PNKD: variants seen among roughly 807,000 people sequenced by gnomAD.
The protein encoded by PNKD is probable thioesterase PNKD.
In PNKD, 36 loss-of-function variants were observed where a neutral mutation model predicts 45.3. The observed-to-expected ratio is 0.80, with a 90% CI of 0.61 to 1.05. The LOEUF is 1.05. Ranked by LOEUF, PNKD falls within the 50% of genes least tolerant of loss-of-function variation. The probability of loss-of-function intolerance (pLI) is 0.00; values close to 1 mark genes in which losing one functional copy is unlikely to be tolerated. For synonymous variants in PNKD, 197 were observed against 210.1 expected (o/e 0.94, Z 0.54); for missense variants, 511 against 506.6 (o/e 1.01, Z -0.08).
chr2:218,289,932 G>A (rs1335862227), intron 2 of PNKD: 2 of 152,174 alleles, frequency 1.3e-5, no homozygotes, highest in African/African-American at 4.8e-5. Context: ...AACACTCTAG[G>A]AAAGAAAGAG....
intron 2 of PNKD, among the ~76,000 whole-genome samples, chr2:218,334,040 G>A (rs1206010579): frequency 4.0e-5 from 6 of 150,228 alleles, no homozygotes; most frequent in East Asian, 2.0e-4. Flanking sequence ...GCTTAAACCC[G>A]GGAGATGGAG....
At chr2:218,311,681 A>G (rs1693620300) in intron 2 of PNKD, among the ~76,000 whole-genome samples, 1 of 152,170 alleles carries the variant, frequency 6.6e-6, no homozygotes, top group Non-Finnish European at 1.5e-5. Context: ...AGAATAGAAC[A>G]AATGGGAATG....
chr2:218,281,790 AAGAC>A (rs1181723115), intron 2 of PNKD: 1 of 750,212 alleles, frequency 1.3e-6, no homozygotes, highest in African/African-American at 1.8e-5. Flanking sequence ...GAGGGTAACA[AAGAC>A]AGAAACAGAG....
Position 218,345,168 on chromosome 2 carries a change from T to G in PNKD, c.*187T>G. ...ACTGTGAGGCCAAAAGAAGGGGGCC[T>G]GTTGGAGGCTGGGAACCCCGCAGCG... On this transcript the variant is annotated 3_prime_UTR_variant, in exon 10 of 10. Transcript: ENST00000273077. The G allele has an allele frequency of 1.7e-6, 1 of 603,254 alleles. No homozygotes were observed. The highest frequency in any genetic ancestry group is 2.1e-5 in the South Asian group (1 of 47,898). The allele number at this position is 603,254 out of a possible 1,614,324, so 37.4% of individuals were successfully genotyped here. A position where few individuals can be genotyped will look rare whatever the true frequency, so the allele number is the denominator to read the frequency against.
chr2:218,284,990 T>A (rs1692386661), intron 2 of PNKD, among the ~76,000 whole-genome samples: 2 of 152,118 alleles, frequency 1.3e-5, no homozygotes, highest in Non-Finnish European at 1.5e-5. Context: ...CTCGGGAGGC[T>A]GAGGCAGGAG....
Position 218,340,635 on chromosome 2 carries a change from TC to T in PNKD, c.466-91del. On this transcript the variant is annotated intron_variant, in intron 4 of 9. Coordinates refer to ENST00000273077, the MANE Select transcript of PNKD (RefSeq NM_015488.5). This position sits in a 1 kb window ranked among gnomAD's most constrained non-coding sequence, Gnocchi z 4.2. ...TGCTTCATCTCTCCATGCTCTCCTC[TC>T]CTCTCCACCAGCGCCCACACTCCTG... 1 of 889,608 alleles carries T rather than the reference TC, an allele frequency of 1.1e-6. No homozygotes were observed. The highest frequency in any genetic ancestry group is 1.9e-6 in the Non-Finnish European group (1 of 521,172). 55.1% of individuals were successfully genotyped at this position (889,608 alleles called of 1,614,324 possible). A position where few individuals can be genotyped will look rare whatever the true frequency, so the allele number is the denominator to read the frequency against.
intron 7 of PNKD, 106 bp downstream of exon 7, chr2:218,342,250 G>GT: frequency 1.1e-6 from 1 of 928,908 alleles, no homozygotes; most frequent in Admixed American, 2.0e-5. Flanking sequence ...TAGCACAGAT[G>GT]TTGCCGTGGC....
In PNKD at chr2:218,344,519, G is replaced by A. The variant is rs1274387790; in HGVS notation, c.933G>A (p.Arg311=). 1 of 1,593,468 alleles carries A rather than the reference G, an allele frequency of 6.3e-7. No individual in the cohort carries two copies. Among genetic ancestry groups the A allele is most frequent in the African/African-American group, 1.3e-5 (1 of 74,724 alleles). ...TGGTGGAGCCCGAGAACCTGGCCCG[G>A]GAGAGGAAGATGCAGTGGGTGCAGC... is the stretch of plus-strand genomic sequence containing the variant. The part of the protein sequence containing the change: ...AGVVEPENLA[R]ERKMQWVQRQ... Residue 311 remains arginine (R), a synonymous_variant, in exon 9 of 10, where the codon CGG becomes CGA. Transcript: ENST00000273077.
intron 2 of PNKD, among the ~76,000 whole-genome samples, chr2:218,315,082 C>CCTTCCTT (rs3055251): frequency 2.8e-4 from 22 of 77,882 alleles, no homozygotes; most frequent in South Asian, 6.2e-4. Flanking sequence ...TCCTTTCTTT[C>CCTTCCTT]TCTCTCTCTC....
At position 218,271,533 on chromosome 2, in the gene PNKD, G is replaced by A; in HGVS notation, c.220G>A (p.Ala74Thr). 6.2e-7 allele frequency: 1 copy of A among 1,614,212 alleles called. No individual in the cohort carries two copies. Among genetic ancestry groups the A allele is most frequent in the Non-Finnish European group, 8.5e-7 (1 of 1,180,032 alleles). Residue 74 changes from alanine to threonine, a missense_variant, in exon 2 of 10, where the codon GCT (alanine) becomes ACT (threonine). Coordinates refer to ENST00000273077, the MANE Select transcript of PNKD (RefSeq NM_015488.5). Reference sequence around the variant, plus strand: ...AAAGAGGGGCAAGAACCCCATGAAAGCTGTGGGACTGGCCTGGTGAGTTTT... The same window carrying A: ...AAAGAGGGGCAAGAACCCCATGAAAACTGTGGGACTGGCCTGGTGAGTTTT... The part of the protein sequence containing the change: ...PRKRGKNPMK[A>T]VGLAWYSLYT...
chr2:218,336,759 G>T (rs186676936), intron 2 of PNKD, among the ~76,000 whole-genome samples: 1 of 151,216 alleles, frequency 6.6e-6, no homozygotes, highest in African/African-American at 2.4e-5. Context: ...GGGATTACAG[G>T]AGTGAGTCAC....
At chr2:218,273,479 A>T (rs797018760) in intron 2 of PNKD, among the ~76,000 whole-genome samples, 624 of 95,370 alleles carry the variant, frequency 6.5e-3, no homozygotes, top group Middle Eastern at 0.013. Flanking sequence ...TTTTTTACTT[A>T]TTTTTTTTTT....
At chr2:218,279,019 C>G (rs914683827) in intron 2 of PNKD, 1 of 1,613,916 alleles carries the variant, frequency 6.2e-7, no homozygotes, top group Non-Finnish European at 8.5e-7. Flanking sequence ...TGCCCAACCA[C>G]AGAGGAGCAC....
chr2:218,307,711 T>C (rs1693460065), intron 2 of PNKD, among the ~76,000 whole-genome samples: 2 of 152,260 alleles, frequency 1.3e-5, no homozygotes, highest in African/African-American at 4.8e-5. Flanking sequence ...AGGGAGGCTC[T>C]TGTGGACATT....
At chr2:218,297,856 G>A (rs1234089606) in intron 2 of PNKD, among the ~76,000 whole-genome samples, 3 of 150,086 alleles carry the variant, frequency 2.0e-5, no homozygotes, top group Admixed American at 6.7e-5. Context: ...AAATTAGCTG[G>A]ACGTGATGGC....
chr2:218,336,945 G>A (rs1235923117), intron 2 of PNKD, among the ~76,000 whole-genome samples: 1 of 151,354 alleles, frequency 6.6e-6, no homozygotes, highest in East Asian at 1.9e-4. Context: ...GATTACAGGC[G>A]CCCACCACCA....
intron 2 of PNKD, among the ~76,000 whole-genome samples, chr2:218,299,745 C>T (rs1197584398): frequency 6.6e-6 from 1 of 152,102 alleles, no homozygotes; most frequent in Non-Finnish European, 1.5e-5. Context: ...CCTCAGCCTC[C>T]CAAGTAGCTG....
At position 218,297,348 on chromosome 2, in the gene PNKD, C is replaced by T. The variant is rs558217512; in HGVS notation, c.236+25799C>T. ...AAGTGAAGTTTTGTTCCAGCTTTGG[C>T]ACTAAAGGACTGTGAGGCCGGGGGC... is the stretch of plus-strand genomic sequence containing the variant. On this transcript the variant is annotated intron_variant, in intron 2 of 9. Coordinates refer to ENST00000273077, the MANE Select transcript of PNKD (RefSeq NM_015488.5). 7.9e-5 allele frequency among the ~76,000 whole-genome samples: 12 copies of T among 152,296 alleles called. No individual in the cohort carries two copies. In the East Asian group the frequency reaches 1.9e-3, roughly 24 times the overall value.
rs369983094 is a variant in PNKD, at chr2:218,271,567, C to G, written c.236+18C>G. ...CTGGCCTGGTGAGTTTTAACCACCC[C>G]TTTGCCCACCAACGGGGCGTGGCTT... On this transcript the variant is annotated intron_variant, in intron 2 of 9. Coordinates refer to ENST00000273077, the MANE Select transcript of PNKD (RefSeq NM_015488.5). The G allele has an allele frequency of 3.5e-4, 564 of 1,609,600 alleles. No homozygotes were observed. Among genetic ancestry groups the G allele is most frequent in the Non-Finnish European group, 4.5e-4 (524 of 1,176,326 alleles).
Sources: gnomAD v4.1 joint callset for allele counts (sites outside exome capture counted in the v4.1 genomes callset) on GRCh38, gnomAD v4.1.1 for gene constraint, Gnocchi (gnomAD v3.1) non-coding constraint, MANE v1.5 for transcripts, NCBI Gene and HGNC (gene_info 2026-07-23, HGNC 2026-07-21) for gene names.